The following ELAPOR2 variants were observed in gnomAD, a reference collection of about 807,000 sequenced individuals.
The protein encoded by ELAPOR2 is endosome-lysosome associated apoptosis and autophagy regulator family member 2, also known as endosome/lysosome-associated apoptosis and autophagy regulator family member 2.
ELAPOR2 carries 89 observed loss-of-function variants against 120.7 expected under a neutral mutation model. The observed-to-expected ratio is 0.74, with a 90% CI of 0.62 to 0.88. The LOEUF (loss-of-function observed/expected upper bound fraction) is 0.88. ELAPOR2 is among the 40% of genes least tolerant of loss of function. ELAPOR2 has a pLI of 0.00. For synonymous variants in ELAPOR2, 444 were observed against 444.9 expected, an observed-to-expected ratio of 1.00 and a Z score of 0.03; for missense variants, 1,134 against 1,251.6, an observed-to-expected ratio of 0.91 and a Z score of 1.42.
intron 8 of ELAPOR2, among the ~76,000 whole-genome samples, chr7:86,931,998 C>CT (rs780865114): frequency 2.0e-5 from 3 of 151,828 alleles, no homozygotes; most frequent in Non-Finnish European, 4.4e-5. Flanking sequence ...GTTTGGCCTC[C>CT]CCAGCTACAG....
chr7:86,930,028 G>A lies in ELAPOR2; in HGVS notation c.1090-3112C>T, dbSNP rs144596335. ...TCATTTATAAGTTATCTGGTCTCAGGTACTTCTTTATAGGAGTGTGAGAAC... is the reference window on the plus strand; with the variant it reads ...TCATTTATAAGTTATCTGGTCTCAGATACTTCTTTATAGGAGTGTGAGAAC... On this transcript the variant is annotated intron_variant, in intron 8 of 21. Transcript: ENST00000450689. 8.9e-3 allele frequency among the ~76,000 whole-genome samples: 1,353 copies of A among 151,976 alleles called. 7 individuals carry two copies. Among genetic ancestry groups the A allele is most frequent in the Non-Finnish European group, 0.015 (1,008 of 67,910 alleles).
Position 86,912,207 on chromosome 7 carries a change from A to G in ELAPOR2, c.2034T>C (p.His678=), listed in dbSNP as rs2116086128. Residue 678 remains histidine, a synonymous_variant, in exon 15 of 22, where the codon CAT becomes CAC. Coordinates refer to ENST00000450689, the MANE Select transcript of ELAPOR2 (RefSeq NM_001142749.3). ...SVCYSDCFFY[H]EKENQSLHYD... is the part of the protein sequence containing the mutation. ...AGTGCAAACTCTGATTTTCTTTTTCATGGTAGAAAAAGCAGTCACTATAGC... is the reference window on the plus strand; with the variant it reads ...AGTGCAAACTCTGATTTTCTTTTTCGTGGTAGAAAAAGCAGTCACTATAGC... The G allele has an allele frequency of 6.2e-7, 1 of 1,607,578 alleles. No individual in the cohort carries two copies. Among genetic ancestry groups the G allele is most frequent in the Non-Finnish European group, 8.5e-7 (1 of 1,174,670 alleles).
chr7:87,000,090 G>A lies in ELAPOR2; in HGVS notation c.190-35066C>T, dbSNP rs77112398. Among the ~76,000 whole-genome samples the A allele has an allele frequency of 8.1e-3, 1,238 of 152,224 alleles. 18 individuals are homozygous for A. The highest frequency in any genetic ancestry group is 0.029 in the African/African-American group (1,191 of 41,546). On this transcript the variant is annotated intron_variant, in intron 1 of 21. Coordinates refer to ENST00000450689, the MANE Select transcript of ELAPOR2 (RefSeq NM_001142749.3). ...CTGCATGAACTGTGGAAAGTTAAATGTGACATTTGATGACCATCCCTACAA... is the reference window on the plus strand; with the variant it reads ...CTGCATGAACTGTGGAAAGTTAAATATGACATTTGATGACCATCCCTACAA...
At chr7:86,993,035 A>G (rs1792997380) in intron 1 of ELAPOR2, among the ~76,000 whole-genome samples, 1 of 152,060 alleles carries the variant, frequency 6.6e-6, no homozygotes, top group African/African-American at 2.4e-5. Context: ...CAAGAGATCA[A>G]GACCATCCTG....
At chr7:86,909,590 T>C (rs1789197843) in intron 16 of ELAPOR2, among the ~76,000 whole-genome samples, 1 of 152,118 alleles carries the variant, frequency 6.6e-6, no homozygotes. Context: ...TCAGAAAATG[T>C]CATACTTATA....
chr7:86,928,154 T>G (rs1790159935), intron 8 of ELAPOR2, among the ~76,000 whole-genome samples: 2 of 152,006 alleles, frequency 1.3e-5, no homozygotes, highest in Admixed American at 1.3e-4. Flanking sequence ...TTCATTTTTA[T>G]GAGTTGCATC....
At chr7:86,923,288 G>C (rs993551597) in intron 10 of ELAPOR2, among the ~76,000 whole-genome samples, 1 of 151,822 alleles carries the variant, frequency 6.6e-6, no homozygotes, top group Non-Finnish European at 1.5e-5. Context: ...AGAAGAATTA[G>C]AATGTCCCCA....
intron 1 of ELAPOR2, among the ~76,000 whole-genome samples, chr7:87,038,183 T>C (rs569214529): frequency 6.6e-6 from 1 of 152,356 alleles, no homozygotes; most frequent in East Asian, 1.9e-4. Flanking sequence ...GCTGCTTCCA[T>C]ATTTTTCTCA....
chr7:86,925,398 TG>T, intron 10 of ELAPOR2, 129 bp downstream of exon 10: 1 of 856,908 alleles, frequency 1.2e-6, no homozygotes, highest in Non-Finnish European at 1.8e-6. Flanking sequence ...AACCAGAAGA[TG>T]GGCAAGCAGC....
At chr7:86,914,314 T>C (rs1475667646) in intron 13 of ELAPOR2, among the ~76,000 whole-genome samples, 1 of 152,136 alleles carries the variant, frequency 6.6e-6, no homozygotes, top group Admixed American at 6.6e-5. Context: ...GAAATATTAC[T>C]GTAACAAAAA....
chr7:87,023,386 A>G (rs886715595), intron 1 of ELAPOR2, among the ~76,000 whole-genome samples: 3 of 152,036 alleles, frequency 2.0e-5, no homozygotes, highest in Non-Finnish European at 2.9e-5. Context: ...GATATGCGGC[A>G]TTATTTCTGA....
chr7:86,884,315 T>C (rs1255482743), intron 21 of ELAPOR2, among the ~76,000 whole-genome samples: 1 of 152,156 alleles, frequency 6.6e-6, no homozygotes, highest in Non-Finnish European at 1.5e-5. Flanking sequence ...GATGCTTTAA[T>C]TATCCTCTAG....
intron 1 of ELAPOR2, among the ~76,000 whole-genome samples, chr7:87,007,052 G>C (rs1583983199): frequency 6.6e-6 from 1 of 152,178 alleles, no homozygotes; most frequent in East Asian, 1.9e-4. Flanking sequence ...TTTGCTTCTG[G>C]GCAGCAGAGT....
At chr7:86,895,834 C>G (rs1788411627) in intron 19 of ELAPOR2, among the ~76,000 whole-genome samples, 1 of 152,050 alleles carries the variant, frequency 6.6e-6, no homozygotes, top group Admixed American at 6.6e-5. Flanking sequence ...CTTCGTTTTT[C>G]ATTTACTCTA....
intron 2 of ELAPOR2, among the ~76,000 whole-genome samples, chr7:86,950,333 G>A (rs907455599): frequency 1.3e-5 from 2 of 152,232 alleles, no homozygotes; most frequent in Non-Finnish European, 2.9e-5. Flanking sequence ...TTAACAAATA[G>A]GGCTGAAACA....
intron 1 of ELAPOR2, among the ~76,000 whole-genome samples, chr7:87,035,355 A>G (rs955754356): frequency 2.6e-5 from 4 of 152,154 alleles, no homozygotes; most frequent in Admixed American, 6.5e-5. Context: ...CATATGTAAA[A>G]CACCTTCTAA....
chr7:86,992,090 G>A (rs142831738), intron 1 of ELAPOR2, among the ~76,000 whole-genome samples: 2,238 of 152,306 alleles, frequency 0.015, 26 homozygotes, highest in Non-Finnish European at 0.023. Context: ...CATCAATACA[G>A]GAAAGGGAAG....
At chr7:86,889,411 C>A (rs1255761265) in intron 21 of ELAPOR2, among the ~76,000 whole-genome samples, 1 of 151,632 alleles carries the variant, frequency 6.6e-6, no homozygotes, top group South Asian at 2.1e-4. Context: ...CCAACTCCCC[C>A]CCAGCTCCAG....
rs34412146 is a variant in ELAPOR2 at position 86,909,986 on chromosome 7, G to C, written c.2185C>G (p.Leu729Val). 13,561 of 1,607,144 alleles carry C rather than the reference G, an allele frequency of 8.4e-3. 944 individuals are homozygous for C. In the African/African-American group the frequency reaches 0.15, roughly 18 times the overall value. The change falls in exon 16 of 22, where the codon CTC (leucine) becomes GTC (valine). Residue 729 changes from leucine to valine, a missense_variant. By Grantham distance (32) the Leu-to-Val change is conservative. Around this residue, in one of 3 missense-constraint regions of ELAPOR2, gnomAD observed 831 missense variants for 867.6 expected, o/e 0.96. Coordinates refer to ENST00000450689, the MANE Select transcript of ELAPOR2 (RefSeq NM_001142749.3). Reference protein sequence around the residue: ...LCGHEGKKMALCTNNITDFTV... With the variant: ...LCGHEGKKMAVCTNNITDFTV... ...AAGTCTGTTATATTGTTGGTACAGAGAGCCATCTTCTTCCCCTAGGAAAAT... is the reference window on the plus strand; with the variant it reads ...AAGTCTGTTATATTGTTGGTACAGACAGCCATCTTCTTCCCCTAGGAAAAT...
Sources: allele counts gnomAD v4.1 joint callset (sites outside exome capture counted in the v4.1 genomes callset), GRCh38; gene constraint gnomAD v4.1.1; regional missense constraint gnomAD v4.1.1; transcripts MANE v1.5; gene names NCBI Gene and HGNC (gene_info 2026-07-23, HGNC 2026-07-21).